The following TXNDC16 variants were observed in gnomAD, a reference collection of about 807,000 sequenced individuals.
The protein encoded by TXNDC16 is thioredoxin domain-containing protein 16.
A neutral mutation model predicts 85.6 loss-of-function variants in TXNDC16; 74 were observed. That is an observed-to-expected ratio of 0.86 (90% CI 0.72 to 1.05). TXNDC16 has a LOEUF of 1.05. Ranked by LOEUF, TXNDC16 falls within the 50% of genes least tolerant of loss-of-function variation. TXNDC16 has a pLI of 0.00. For missense variants in TXNDC16, 959 were observed against 947.0 expected, an observed-to-expected ratio of 1.01 and a Z score of -0.17; for synonymous variants, 335 against 326.5, an observed-to-expected ratio of 1.03 and a Z score of -0.28.
At chr14:52,462,815 T>C (rs1451711381) in intron 16 of TXNDC16, 2 of 398,304 alleles carry the variant, frequency 5.0e-6, no homozygotes, top group Admixed American at 3.2e-5. Context: ...AAATTACCTT[T>C]AGTAACATTT....
In TXNDC16 at chr14:52,491,346, T is replaced by G. The variant is rs1046044581; in HGVS notation, c.757-341A>C. On this transcript the variant is annotated intron_variant, in intron 9 of 20. Coordinates refer to ENST00000281741, the MANE Select transcript of TXNDC16 (RefSeq NM_020784.3). Reference sequence around the variant, plus strand: ...ACAGGTGCACACCACCATGCCTAGCTTTTTTTTTTTTTTTTTTTTTTTTAA... The same window carrying G: ...ACAGGTGCACACCACCATGCCTAGCGTTTTTTTTTTTTTTTTTTTTTTTAA... Among the ~76,000 whole-genome samples, 366 of 96,798 alleles carry G rather than the reference T, an allele frequency of 3.8e-3. 1 individual carries two copies. Among genetic ancestry groups the G allele is most frequent in the Non-Finnish European group, 5.6e-3 (267 of 47,734 alleles). The allele number at this position is 96,798 out of a possible 152,430, so 63.5% of individuals were successfully genotyped here. A position where few individuals can be genotyped will look rare whatever the true frequency, so the allele number is the denominator to read the frequency against.
At chr14:52,517,350 A>G (rs2037108161) in intron 7 of TXNDC16, among the ~76,000 whole-genome samples, 1 of 152,092 alleles carries the variant, frequency 6.6e-6, no homozygotes, top group Non-Finnish European at 1.5e-5. Flanking sequence ...AGCTAGCATC[A>G]CCAAGCTAAT....
chr14:52,502,117 A>G (rs959512166), intron 9 of TXNDC16, among the ~76,000 whole-genome samples: 1 of 152,112 alleles, frequency 6.6e-6, no homozygotes, highest in Non-Finnish European at 1.5e-5. Context: ...TAGCTTTCCA[A>G]TTTGGCTCTG....
At chr14:52,493,450 C>T (rs1413881971) in intron 9 of TXNDC16, among the ~76,000 whole-genome samples, 1 of 151,722 alleles carries the variant, frequency 6.6e-6, no homozygotes, top group Admixed American at 6.6e-5. Flanking sequence ...CCATAGACAA[C>T]CTCAAGGAGA....
At chr14:52,541,167 C>T (rs774963120) in intron 4 of TXNDC16, among the ~76,000 whole-genome samples, 4 of 151,542 alleles carry the variant, frequency 2.6e-5, no homozygotes, top group Non-Finnish European at 5.9e-5. Flanking sequence ...ACCTGGGAGG[C>T]GGAGGTTGCA....
Position 52,536,663 on chromosome 14 carries a change from T to C in TXNDC16, c.392+56A>G, listed in dbSNP as rs2037707351. 2.9e-6 allele frequency: 4 copies of C among 1,382,090 alleles called. No individual in the cohort carries two copies. The South Asian group carries it at 4.0e-5, about 14-fold the overall frequency. 85.6% of individuals were successfully genotyped at this position (1,382,090 alleles called of 1,614,324 possible). A position where few individuals can be genotyped will look rare whatever the true frequency, so the allele number is the denominator to read the frequency against. ...TTTAATGAATTGTGGTTATTTAAAA[T>C]GAAATCAACAGATAAGTAACAAGTA... On this transcript the variant is annotated intron_variant, in intron 6 of 20. Transcript: ENST00000281741.
chr14:52,550,346 A>C (rs1489684715), intron 1 of TXNDC16, among the ~76,000 whole-genome samples: 1 of 152,222 alleles, frequency 6.6e-6, no homozygotes, highest in Admixed American at 6.5e-5. Flanking sequence ...GAACCTGCTC[A>C]CTGAACCAGC....
At chr14:52,466,772 C>A (rs1486313498) in intron 16 of TXNDC16, among the ~76,000 whole-genome samples, 1 of 151,896 alleles carries the variant, frequency 6.6e-6, no homozygotes, top group Non-Finnish European at 1.5e-5. Flanking sequence ...GAGGCTGAGG[C>A]AGGAGAATGG....
intron 18 of TXNDC16, among the ~76,000 whole-genome samples, chr14:52,449,714 A>G (rs541462821): frequency 7.2e-5 from 11 of 152,118 alleles, no homozygotes; most frequent in Non-Finnish European, 1.5e-4. Context: ...AACAAGCCTT[A>G]TAACATTTAA....
intron 16 of TXNDC16, among the ~76,000 whole-genome samples, chr14:52,467,139 T>C (rs866651163): frequency 3.3e-5 from 5 of 151,776 alleles, no homozygotes; most frequent in Admixed American, 6.6e-5. Flanking sequence ...CACACACATA[T>C]AGATAAGGAC....
chr14:52,504,713 CATAACA>C (rs1215943019), intron 9 of TXNDC16, among the ~76,000 whole-genome samples: 1 of 152,168 alleles, frequency 6.6e-6, no homozygotes, highest in Non-Finnish European at 1.5e-5. Context: ...CAAATTCACA[CATAACA>C]ATATCAACCT....
rs565695451 is a variant in TXNDC16, at chr14:52,488,506, TAA to T, written c.985-22_985-21del. Reference sequence around the variant, plus strand: ...AACTCCCTAGAAATACATTAATTTTTAAAAAATGAATATAGCAAAGTATTTTG... The same window carrying T: ...AACTCCCTAGAAATACATTAATTTTTAAAATGAATATAGCAAAGTATTTTG... On this transcript the variant is annotated intron_variant, in intron 11 of 20. Coordinates refer to ENST00000281741, the MANE Select transcript of TXNDC16 (RefSeq NM_020784.3). The T allele has an allele frequency of 1.3e-6, 2 of 1,563,792 alleles. No homozygotes were observed. The highest frequency in any genetic ancestry group is 1.7e-6 in the Non-Finnish European group (2 of 1,145,168).
intron 14 of TXNDC16, among the ~76,000 whole-genome samples, chr14:52,472,290 C>T (rs779089400): frequency 6.6e-5 from 10 of 151,794 alleles, no homozygotes; most frequent in Non-Finnish European, 1.5e-4. Flanking sequence ...CTTCCTCTCC[C>T]GAGTTCAGGC....
intron 17 of TXNDC16, 71 bp from the exon 18 acceptor site, chr14:52,455,533 G>C: frequency 6.3e-7 from 1 of 1,578,736 alleles, no homozygotes. Context: ...ATCTAGGCTA[G>C]GAGGTCACAG....
In TXNDC16 at chr14:52,470,556, A is replaced by G. The variant is rs767715622; in HGVS notation, c.1437T>C (p.Tyr479=). ...GATCTTCGGTTCCTAACATTCCAGC[A>G]TAAGATACTGGGTTCTCGCCTTTCT... is the stretch of plus-strand genomic sequence containing the variant. The part of the protein sequence containing the change: ...MYKKGENPVS[Y]AGMLGTEDLL... The change falls in exon 15 of 21, where the codon TAT becomes TAC. Residue 479 remains tyrosine, a synonymous_variant. Transcript: ENST00000281741. The G allele has an allele frequency of 1.2e-6, 2 of 1,613,824 alleles. No individual in the cohort carries two copies. The highest frequency in any genetic ancestry group is 1.7e-6 in the Non-Finnish European group (2 of 1,179,932).
Position 52,493,210 on chromosome 14 carries a change from T to TAC in TXNDC16, c.757-2206_757-2205insGT, listed in dbSNP as rs1320717346. ...TCACTGTTCTATATATATATATATA[T>TAC]ATATATACACACACACACACACACA... On this transcript the variant is annotated intron_variant, in intron 9 of 20. Coordinates refer to ENST00000281741, the MANE Select transcript of TXNDC16 (RefSeq NM_020784.3). Among the ~76,000 whole-genome samples the TAC allele has an allele frequency of 3.6e-3, 426 of 119,258 alleles. 3 individuals carry two copies. Among genetic ancestry groups the TAC allele is most frequent in the African/African-American group, 0.012 (347 of 29,096 alleles). The allele number at this position is 119,258 out of a possible 152,430, so 78.2% of individuals were successfully genotyped here.
At chr14:52,505,778 C>A (rs991047882) in intron 9 of TXNDC16, among the ~76,000 whole-genome samples, 1 of 152,112 alleles carries the variant, frequency 6.6e-6, no homozygotes, top group African/African-American at 2.4e-5. Flanking sequence ...ATCAATGAAT[C>A]CAGGAGCTGG....
At chr14:52,491,981 G>C (rs2036418386) in intron 9 of TXNDC16, among the ~76,000 whole-genome samples, 2 of 152,196 alleles carry the variant, frequency 1.3e-5, no homozygotes, top group South Asian at 4.1e-4. Flanking sequence ...TGTTAGGCAT[G>C]TCTGGACCTG....
At chr14:52,440,371 A>G (rs1226339689) in intron 19 of TXNDC16, among the ~76,000 whole-genome samples, 193 bp downstream of exon 19, 1 of 152,122 alleles carries the variant, frequency 6.6e-6, no homozygotes. Flanking sequence ...ATTTTACTGT[A>G]GAATAAAATT....
Sources: gnomAD v4.1 joint callset for allele counts (sites outside exome capture counted in the v4.1 genomes callset) on GRCh38, gnomAD v4.1.1 for gene constraint, MANE v1.5 for transcripts, NCBI Gene and HGNC (gene_info 2026-07-23, HGNC 2026-07-21) for gene names.